CES2: variants seen among roughly 807,000 people sequenced by gnomAD.
The protein encoded by CES2 is carboxylesterase 2, also known as cocaine esterase.
Under a neutral mutation model 52.1 loss-of-function variants are expected in CES2, and 42 were observed. That is an observed-to-expected ratio of 0.81 (90% confidence interval 0.63 to 1.04). The LOEUF (loss-of-function observed/expected upper bound fraction) is 1.04, where lower values mean the gene tolerates loss of function less well. Among genes scored for constraint, CES2 ranks in the 50% least tolerant of loss-of-function variants. CES2 has a pLI of 0.00. For synonymous variants in CES2, 277 were observed against 289.6 expected (o/e 0.96, Z 0.44); for missense variants, 656 against 724.3 (o/e 0.91, Z 1.08).
At position 66,940,643 on chromosome 16, in the gene CES2, G is replaced by A. The variant is rs780237910; in HGVS notation, c.764G>A (p.Gly255Asp). ...GLFHGAIMESGVALLPGLIAS... is the reference protein window; with the variant it reads ...GLFHGAIMESDVALLPGLIAS... The stretch of plus-strand genomic sequence containing the variant: ...TTCCACGGAGCCATCATGGAGAGTG[G>A]CGTGGCCCTCCTGCCCGGCCTCATT... The change falls in exon 5 of 12, where the codon GGC becomes GAC. Residue 255 changes from glycine (G) to aspartate (D), a missense_variant. Coordinates refer to ENST00000317091, the MANE Select transcript of CES2 (RefSeq NM_001365405.1). 1.1e-5 allele frequency: 18 copies of A among 1,614,142 alleles called. No individual in the cohort carries two copies. The highest frequency in any genetic ancestry group is 1.5e-5 in the Non-Finnish European group (18 of 1,180,048).
upstream of CES2, chr16:66,934,616 AGCGGGCTGAAAC>A: frequency 1.8e-6 from 1 of 560,318 alleles, no homozygotes; most frequent in East Asian, 3.2e-5. The surrounding 1 kb of genome is among the most constrained non-coding windows in gnomAD (Gnocchi z 4.1). Flanking sequence ...GCGAGCCAGT[AGCGGGCTGAAAC>A]GTAGAGGCCA....
Position 66,943,666 on chromosome 16 carries a change from T to C in CES2, c.1494-173T>C. ...GCCCTCCCCCAACCCCCACTGGTGC[T>C]GACACTAGCCAGAGGGAGCTTATTT... is the stretch of plus-strand genomic sequence containing the variant. On this transcript the variant is annotated intron_variant, in intron 11 of 11. Transcript: ENST00000317091. This position sits in a 1 kb window ranked among gnomAD's most constrained non-coding sequence, Gnocchi z 4.2. 1 of 597,180 alleles carries C rather than the reference T, an allele frequency of 1.7e-6. No individual in the cohort carries two copies. Among genetic ancestry groups the C allele is most frequent in the East Asian group, 2.8e-5 (1 of 35,118 alleles). 37.0% of individuals were successfully genotyped at this position (597,180 alleles called of 1,614,324 possible).
intron 6 of CES2, 38 bp from the exon 7 acceptor site, chr16:66,941,468 G>A: frequency 1.2e-6 from 2 of 1,610,146 alleles, no homozygotes; most frequent in Non-Finnish European, 1.7e-6. Context: ...AGATGTCTGG[G>A]ACCTGACCTT....
intron 9 of CES2, 44 bp downstream of exon 9, chr16:66,942,293 A>G: frequency 6.4e-7 from 1 of 1,563,332 alleles, no homozygotes. Context: ...GGTACAGCTC[A>G]GGGCTGTGGG....
chr16:66,937,165 C>T (rs1331669708), intron 1 of CES2, among the ~76,000 whole-genome samples: 4 of 152,040 alleles, frequency 2.6e-5, no homozygotes, highest in Non-Finnish European at 5.9e-5. Context: ...CAACAGATGG[C>T]GACCTTGTCT....
At chr16:66,937,940 A>T in intron 1 of CES2, 97 bp from the exon 2 acceptor site, 1 of 960,252 alleles carries the variant, frequency 1.0e-6, no homozygotes, top group Non-Finnish European at 1.6e-6. Context: ...GAGTCCCTTG[A>T]GCTAAGATGA....
At position 66,935,639 on chromosome 16, in the gene CES2, C is replaced by A. The variant is rs151081443; in HGVS notation, c.4C>A (p.Arg2=). The change falls in exon 1 of 12, where the codon CGG becomes AGG. Residue 2 remains arginine, a synonymous_variant. Transcript: ENST00000317091. M[R]LHRLRARLSA... is the part of the protein sequence containing the mutation. ...AACCGAGACCAGCGAGCCGACCATG[C>A]GGCTGCACAGACTTCGTGCGCGGCT... 2.5e-6 allele frequency: 4 copies of A among 1,606,160 alleles called. No individual in the cohort carries two copies. In the South Asian group the frequency reaches 4.4e-5, roughly 18 times the overall value.
upstream of CES2, chr16:66,935,381 G>A: frequency 6.6e-7 from 1 of 1,512,808 alleles, no homozygotes; most frequent in East Asian, 2.3e-5. Flanking sequence ...GGATGCCAAA[G>A]GAGCCCGGGC....
intron 6 of CES2, 56 bp from the exon 7 acceptor site, chr16:66,941,450 G>A: frequency 6.3e-7 from 1 of 1,596,136 alleles, no homozygotes; most frequent in Non-Finnish European, 8.6e-7. Context: ...TACTCAGAGG[G>A]CATCGGAAGA....
chr16:66,940,308 G>T lies in CES2; in HGVS notation c.510G>T (p.Val170=), dbSNP rs1567548119. The T allele has an allele frequency of 6.2e-7, 1 of 1,614,142 alleles. No individual in the cohort carries two copies. The change falls in exon 4 of 12, where the codon GTG becomes GTT. Residue 170 remains valine, a synonymous_variant. Coordinates refer to ENST00000317091, the MANE Select transcript of CES2 (RefSeq NM_001365405.1). The part of the protein sequence containing the change: ...DGSMLAALEN[V]VVVIIQYRLG... ...CCATGCTGGCTGCCTTGGAGAACGT[G>T]GTGGTGGTCATCATCCAGTACCGCC...
At position 66,944,159 on chromosome 16, in the gene CES2, C is replaced by T; in HGVS notation, c.*134C>T. 5 of 517,454 alleles carry T rather than the reference C, an allele frequency of 9.7e-6. No homozygotes were observed. Among genetic ancestry groups the T allele is most frequent in the Non-Finnish European group, 1.4e-5 (4 of 294,954 alleles). 32.1% of individuals were successfully genotyped at this position (517,454 alleles called of 1,614,324 possible). A position where few individuals can be genotyped will look rare whatever the true frequency, so the allele number is the denominator to read the frequency against. On this transcript the variant is annotated 3_prime_UTR_variant, in exon 12 of 12. Transcript: ENST00000317091. ...GCCATTCATTCATACTTCCGTCCAT[C>T]CATTCAGAAAGCATTTATTAAGAAT... is the stretch of plus-strand genomic sequence containing the variant.
rs1963437222 is a variant in CES2 at position 66,944,220 on chromosome 16, G to C, written c.*195G>C. The C allele has an allele frequency of 2.5e-6, 1 of 393,398 alleles. No homozygotes were observed. The highest frequency in any genetic ancestry group is 4.5e-6 in the Non-Finnish European group (1 of 220,878). The allele number at this position is 393,398 out of a possible 1,614,324, so 24.4% of individuals were successfully genotyped here. A position where few individuals can be genotyped will look rare whatever the true frequency, so the allele number is the denominator to read the frequency against. Reference sequence around the variant, plus strand: ...ATGATGGCCCATACTTGTAATCCCAGCTATTGGGAAGGATGAGATGGGAGG... The same window carrying C: ...ATGATGGCCCATACTTGTAATCCCACCTATTGGGAAGGATGAGATGGGAGG... On this transcript the variant is annotated 3_prime_UTR_variant, in exon 12 of 12. Transcript: ENST00000317091.
rs1963431719 is a variant in CES2, at chr16:66,944,051, G to C, written c.*26G>C. ...CTCCCTGTGCCGGGGAGGAGGGGGT[G>C]GGTTCGCTGACAGGCGAGGGTCAGC... On this transcript the variant is annotated 3_prime_UTR_variant, in exon 12 of 12. Transcript: ENST00000317091. The C allele has an allele frequency of 7.5e-7, 1 of 1,329,272 alleles. No homozygotes were observed. The highest frequency in any genetic ancestry group is 1.5e-5 in the African/African-American group (1 of 67,924). The allele number at this position is 1,329,272 out of a possible 1,614,324, so 82.3% of individuals were successfully genotyped here. A position where few individuals can be genotyped will look rare whatever the true frequency, so the allele number is the denominator to read the frequency against.
Position 66,943,219 on chromosome 16 carries a change from CGG to C in CES2, c.1421-76_1421-75del. 6.8e-7 allele frequency: 1 copy of C among 1,465,208 alleles called. No individual in the cohort carries two copies. Among genetic ancestry groups the C allele is most frequent in the South Asian group, 1.2e-5 (1 of 84,044 alleles). The allele number at this position is 1,465,208 out of a possible 1,614,324, so 90.8% of individuals were successfully genotyped here. A position where few individuals can be genotyped will look rare whatever the true frequency, so the allele number is the denominator to read the frequency against. ...GAAGCAGGACTGGGGACCGAGGTCT[CGG>C]GGGCCAAGGACGAGCTCCACCTGGG... On this transcript the variant is annotated intron_variant, in intron 10 of 11. Coordinates refer to ENST00000317091, the MANE Select transcript of CES2 (RefSeq NM_001365405.1). The surrounding 1 kb of genome is among the most constrained non-coding windows in gnomAD (Gnocchi z 4.2).
At position 66,943,720 on chromosome 16, in the gene CES2, C is replaced by A; in HGVS notation, c.1494-119C>A. The A allele has an allele frequency of 1.3e-6, 1 of 785,178 alleles. No homozygotes were observed. Among genetic ancestry groups the A allele is most frequent in the Non-Finnish European group, 2.0e-6 (1 of 489,288 alleles). The allele number at this position is 785,178 out of a possible 1,614,324, so 48.6% of individuals were successfully genotyped here. A position where few individuals can be genotyped will look rare whatever the true frequency, so the allele number is the denominator to read the frequency against. On this transcript the variant is annotated intron_variant, in intron 11 of 11. Coordinates refer to ENST00000317091, the MANE Select transcript of CES2 (RefSeq NM_001365405.1). The surrounding 1 kb of genome is among the most constrained non-coding windows in gnomAD (Gnocchi z 4.2). Reference sequence around the variant, plus strand: ...GTTTCTGGAAGCCTCCCCACTCATTCCCCAAGCCCACCTGGCCTGCTTGGC... The same window carrying A: ...GTTTCTGGAAGCCTCCCCACTCATTACCCAAGCCCACCTGGCCTGCTTGGC...
Position 66,941,597 on chromosome 16 carries a change from C to G in CES2, c.1007C>G (p.Pro336Arg), listed in dbSNP as rs1473728333. 1.9e-6 allele frequency: 3 copies of G among 1,614,050 alleles called. No homozygotes were observed. Among genetic ancestry groups the G allele is most frequent in the Non-Finnish European group, 2.5e-6 (3 of 1,180,024 alleles). The change falls in exon 7 of 12, where the codon CCT (proline) becomes CGT (arginine). Residue 336 changes from proline to arginine, a missense_variant. By Grantham distance (103) the Pro-to-Arg change is moderately radical. Transcript: ENST00000317091. ...GCCTCTGCCGACTTTCAGCCTGTCCCTAGCATTGTTGGTGTCAACAACAAT... is the reference window on the plus strand; with the variant it reads ...GCCTCTGCCGACTTTCAGCCTGTCCGTAGCATTGTTGGTGTCAACAACAAT... ...LLASADFQPV[P>R]SIVGVNNNEF...
At chr16:66,935,198 G>A (rs1963168593), upstream of CES2, 1 of 426,550 alleles carries the variant, frequency 2.3e-6, no homozygotes, top group Non-Finnish European at 4.2e-6. Context: ...CCATCTGGGG[G>A]ATCCTGAACG....
chr16:66,938,100 A>G lies in CES2; in HGVS notation c.140A>G (p.His47Arg), dbSNP rs772562975. The change falls in exon 2 of 12, where the codon CAT becomes CGT. Residue 47 changes from histidine (H) to arginine (R), a missense_variant. By Grantham distance (29) the His-to-Arg change is conservative. Transcript: ENST00000317091. ...HTGQVLGSLV[H>R]VKGANAGVQT... is the part of the protein sequence containing the mutation. Reference sequence around the variant, plus strand: ...GGGCAGGTGCTGGGGAGTCTTGTCCATGTGAAGGGCGCCAATGCCGGGGTC... The same window carrying G: ...GGGCAGGTGCTGGGGAGTCTTGTCCGTGTGAAGGGCGCCAATGCCGGGGTC... 3 of 1,614,156 alleles carry G rather than the reference A, an allele frequency of 1.9e-6. No individual in the cohort carries two copies. The highest frequency in any genetic ancestry group is 1.3e-5 in the African/African-American group (1 of 75,026).
intron 2 of CES2, 104 bp from the exon 3 acceptor site, chr16:66,939,113 A>C: frequency 1.1e-6 from 1 of 919,050 alleles, no homozygotes; most frequent in Non-Finnish European, 1.7e-6. Flanking sequence ...TGTGAGCAGG[A>C]TATTGTGGGA....
Sources: allele counts gnomAD v4.1 joint callset (sites outside exome capture counted in the v4.1 genomes callset), GRCh38; gene constraint gnomAD v4.1.1; non-coding constraint Gnocchi (gnomAD v3.1); transcripts MANE v1.5; gene names NCBI Gene and HGNC (gene_info 2026-07-23, HGNC 2026-07-21).